SLC25A21: variants seen among roughly 807,000 people sequenced by gnomAD.
SLC25A21 encodes solute carrier family 25 member 21, also known as mitochondrial 2-oxodicarboxylate carrier.
Under a neutral mutation model 43.8 loss-of-function variants are expected in SLC25A21, and 47 were observed. The observed-to-expected ratio is 1.07, with a 90% CI of 0.85 to 1.37. The LOEUF (loss-of-function observed/expected upper bound fraction) is 1.37, where lower values mean the gene tolerates loss of function less well. SLC25A21 is among the 40% of genes most tolerant of loss of function. The pLI is 0.00. For missense variants in SLC25A21, 352 were observed against 350.2 expected, an observed-to-expected ratio of 1.00 and a Z score of -0.04; for synonymous variants, 131 against 121.3, an observed-to-expected ratio of 1.08 and a Z score of -0.52.
intron 1 of SLC25A21, among the ~76,000 whole-genome samples, chr14:37,107,906 CT>C (rs1962944769): frequency 6.6e-6 from 1 of 152,144 alleles, no homozygotes; most frequent in Non-Finnish European, 1.5e-5. Context: ...CCTCAGTTTC[CT>C]TGAGACAGTT....
intron 1 of SLC25A21, among the ~76,000 whole-genome samples, chr14:37,106,242 G>A (rs1302858879): frequency 1.3e-5 from 2 of 152,096 alleles, no homozygotes; most frequent in Admixed American, 6.5e-5. Context: ...GTGGGGTCGG[G>A]CAAAAAGAGC....
Position 36,679,320 on chromosome 14 carries a change from T to G in SLC25A21, c.*1338A>C. On this transcript the variant is annotated 3_prime_UTR_variant, in exon 10 of 10. Transcript: ENST00000331299. ...ATACAGTATGTCAAAAGCCTTTTAT[T>G]TTTATACTTCAAATGCTCTAAATTA... 1 of 972,392 alleles carries G rather than the reference T, an allele frequency of 1.0e-6. No individual in the cohort carries two copies. Among genetic ancestry groups the G allele is most frequent in the Non-Finnish European group, 1.2e-6 (1 of 818,184 alleles). 60.2% of individuals were successfully genotyped at this position (972,392 alleles called of 1,614,324 possible).
intron 1 of SLC25A21, among the ~76,000 whole-genome samples, chr14:36,886,992 GA>G (rs994199562): frequency 6.6e-6 from 1 of 152,070 alleles, no homozygotes; most frequent in Non-Finnish European, 1.5e-5. Context: ...ACACCAGGGG[GA>G]AAATAAGGTG....
chr14:36,853,965 G>C (rs1263188128), intron 2 of SLC25A21, among the ~76,000 whole-genome samples: 2 of 152,178 alleles, frequency 1.3e-5, no homozygotes, highest in African/African-American at 2.4e-5. Context: ...AGAAGTATAT[G>C]TTTAAGTGTT....
At chr14:37,123,920 A>G (rs1340478174) in intron 1 of SLC25A21, among the ~76,000 whole-genome samples, 1 of 152,168 alleles carries the variant, frequency 6.6e-6, no homozygotes, top group African/African-American at 2.4e-5. Flanking sequence ...TGTGATTATC[A>G]CTGGGGATAT....
In SLC25A21 at chr14:36,897,882, C is replaced by T. The variant is rs528926312; in HGVS notation, c.71-22878G>A. On this transcript the variant is annotated intron_variant, in intron 1 of 9. Transcript: ENST00000331299. ...TGAACAGCAAATGTTGCTGCCTGAT[C>T]GTTCCTCTGGAAGTTTTGTCTCAGA... 5.3e-5 allele frequency among the ~76,000 whole-genome samples: 8 copies of T among 152,284 alleles called. No homozygotes were observed. The East Asian group carries it at 9.7e-4, about 18-fold the overall frequency.
intron 1 of SLC25A21, among the ~76,000 whole-genome samples, chr14:36,895,284 A>C (rs1045580575): frequency 1.3e-5 from 2 of 152,100 alleles, no homozygotes; most frequent in Non-Finnish European, 1.5e-5. Context: ...TGTATGTGTC[A>C]AGGAATTTAT....
In SLC25A21 at chr14:36,983,090, C is replaced by T. The variant is rs1960066407; in HGVS notation, c.71-108086G>A. On this transcript the variant is annotated intron_variant, in intron 1 of 9. Transcript: ENST00000331299. ...TATTAACTATCTCTAGACATTAATCCTATAAAGTTTTTAAAAAGAAAAGTT... is the reference window on the plus strand; with the variant it reads ...TATTAACTATCTCTAGACATTAATCTTATAAAGTTTTTAAAAAGAAAAGTT... Among the ~76,000 whole-genome samples, 4 of 152,078 alleles carry T rather than the reference C, an allele frequency of 2.6e-5. No homozygotes were observed. The South Asian group carries it at 8.3e-4, about 31-fold the overall frequency.
rs568917032 is a variant in SLC25A21 at position 36,803,003 on chromosome 14, T to C, written c.203+10915A>G. On this transcript the variant is annotated intron_variant, in intron 3 of 9. Coordinates refer to ENST00000331299, the MANE Select transcript of SLC25A21 (RefSeq NM_030631.4). ...TGTGCATTGCTTAGCTAGGTGCCTC[T>C]GGAATGCCAAACACTAGAAAGTTAT... Among the ~76,000 whole-genome samples the C allele has an allele frequency of 2.6e-5, 4 of 152,352 alleles. 1 individual carries two copies. Among genetic ancestry groups the C allele is most frequent in the African/African-American group, 9.6e-5 (4 of 41,594 alleles).
intron 8 of SLC25A21, 30 bp from the exon 9 acceptor site, chr14:36,683,910 T>TACCTTTGTTTATTAAGTAC: frequency 6.4e-7 from 1 of 1,560,000 alleles, no homozygotes; most frequent in Non-Finnish European, 8.8e-7. Context: ...AGAAACGTTC[T>TACCTTTGTTTATTAAGTAC]TATTCTGAAA....
chr14:36,972,196 T>A lies in SLC25A21; in HGVS notation c.71-97192A>T, dbSNP rs545034623. 5.3e-5 allele frequency among the ~76,000 whole-genome samples: 8 copies of A among 152,304 alleles called. No homozygotes were observed. In the South Asian group the frequency reaches 1.7e-3, roughly 32 times the overall value. ...GTACAGGTTTGTAGCCTAGGAGCAA[T>A]AGGTTATAGCATATAGTCTAGGTGT... On this transcript the variant is annotated intron_variant, in intron 1 of 9. Coordinates refer to ENST00000331299, the MANE Select transcript of SLC25A21 (RefSeq NM_030631.4).
intron 1 of SLC25A21, among the ~76,000 whole-genome samples, chr14:37,168,204 C>T (rs1236188798): frequency 6.6e-6 from 1 of 152,010 alleles, no homozygotes; most frequent in Non-Finnish European, 1.5e-5. Flanking sequence ...TCTTTAACCC[C>T]TCTGCAATGC....
At chr14:36,974,614 G>A (rs1959826928) in intron 1 of SLC25A21, among the ~76,000 whole-genome samples, 1 of 152,124 alleles carries the variant, frequency 6.6e-6, no homozygotes, top group Admixed American at 6.6e-5. Context: ...GTAGTTGCAT[G>A]AAATTCAAAG....
At chr14:37,053,509 C>G (rs560547866) in intron 1 of SLC25A21, among the ~76,000 whole-genome samples, 4 of 152,272 alleles carry the variant, frequency 2.6e-5, no homozygotes, top group Admixed American at 6.5e-5. Flanking sequence ...AATGTAGATA[C>G]AGTAGAACAA....
chr14:37,040,203 A>G, intron 1 of SLC25A21, among the ~76,000 whole-genome samples: 1 of 78,830 alleles, frequency 1.3e-5, no homozygotes, highest in Non-Finnish European at 2.3e-5. Context: ...CCAAGAAGAA[A>G]GAAAAAAAGA....
chr14:36,933,961 T>C (rs1327157656), intron 1 of SLC25A21, among the ~76,000 whole-genome samples: 1 of 152,184 alleles, frequency 6.6e-6, no homozygotes. Context: ...TAAGGTTCTC[T>C]GATGCTAAGC....
chr14:37,007,954 AT>A (rs10715027), intron 1 of SLC25A21, among the ~76,000 whole-genome samples: 127,165 of 149,916 alleles, frequency 0.85, 54,224 homozygotes, highest in African/African-American at 0.93. Flanking sequence ...TGATCGCACA[AT>A]TTTTTTTTTT....
Position 36,678,968 on chromosome 14 carries a change from A to ATGT in SLC25A21, c.*1687_*1689dup. ...AACTTTTAAAGATTATTATTGGTTA[A>ATGT]TGTTGACATATTTCCTCTATCTCAT... On this transcript the variant is annotated 3_prime_UTR_variant, in exon 10 of 10. Coordinates refer to ENST00000331299, the MANE Select transcript of SLC25A21 (RefSeq NM_030631.4). 1 of 981,940 alleles carries ATGT rather than the reference A, an allele frequency of 1.0e-6. No homozygotes were observed. The highest frequency in any genetic ancestry group is 1.2e-6 in the Non-Finnish European group (1 of 826,864). The allele number at this position is 981,940 out of a possible 1,614,324, so 60.8% of individuals were successfully genotyped here. A position where few individuals can be genotyped will look rare whatever the true frequency, so the allele number is the denominator to read the frequency against.
chr14:36,774,294 T>C (rs781300328), intron 3 of SLC25A21, among the ~76,000 whole-genome samples: 110 of 152,162 alleles, frequency 7.2e-4, no homozygotes, highest in Non-Finnish European at 1.4e-3. Flanking sequence ...GTATGGGGAG[T>C]AGTCAACTAA....
Sources: gnomAD v4.1 joint callset for allele counts (sites outside exome capture counted in the v4.1 genomes callset) on GRCh38, gnomAD v4.1.1 for gene constraint, MANE v1.5 for transcripts, NCBI Gene and HGNC (gene_info 2026-07-23, HGNC 2026-07-21) for gene names.